LINGO2: variants seen among roughly 807,000 people sequenced by gnomAD.
The protein encoded by LINGO2 is leucine rich repeat and Ig domain containing 2, also known as leucine-rich repeat and immunoglobulin-like domain-containing nogo receptor-interacting protein 2.
In LINGO2, 14 loss-of-function variants were observed where a neutral mutation model predicts 30.6. The observed-to-expected ratio is 0.46, with a 90% CI of 0.30 to 0.72. LINGO2 has a LOEUF of 0.72. Among genes scored for constraint, LINGO2 ranks in the 30% least tolerant of loss-of-function variants. LINGO2 has a pLI of 0.07. For synonymous variants in LINGO2, 317 were observed against 288.5 expected (o/e 1.10, Z -1.00); for missense variants, 729 against 751.7 (o/e 0.97, Z 0.35).
intron 3 of LINGO2, among the ~76,000 whole-genome samples, chr9:28,318,975 G>C (rs1824940864): frequency 6.6e-6 from 1 of 152,162 alleles, no homozygotes; most frequent in Non-Finnish European, 1.5e-5. Flanking sequence ...TGGTTAGTAA[G>C]TGGCAGAAGG....
intron 4 of LINGO2, among the ~76,000 whole-genome samples, chr9:28,164,889 G>T (rs1057047215): frequency 1.3e-5 from 2 of 151,994 alleles, no homozygotes; most frequent in African/African-American, 2.4e-5. Context: ...ACCGATAAAG[G>T]GTTCCCACTC....
chr9:29,127,956 T>C, the LINGO2 span, among the ~76,000 whole-genome samples: 1 of 152,094 alleles, frequency 6.6e-6, no homozygotes, highest in African/African-American at 2.4e-5. Context: ...CTTCTCCTAC[T>C]CAATCTTTTC....
At chr9:29,102,835 ATT>A in the LINGO2 span, among the ~76,000 whole-genome samples, 2 of 152,192 alleles carry the variant, frequency 1.3e-5, no homozygotes, top group Non-Finnish European at 2.9e-5. Context: ...TTACATTAAA[ATT>A]CTAAATCTAA....
the LINGO2 span, among the ~76,000 whole-genome samples, chr9:29,191,764 T>C: frequency 4.6e-5 from 7 of 152,260 alleles, no homozygotes; most frequent in East Asian, 7.7e-4. Context: ...TTGAAGCACT[T>C]ATTATCAGGC....
the LINGO2 span, among the ~76,000 whole-genome samples, chr9:29,069,151 A>G: frequency 6.6e-6 from 1 of 151,934 alleles, no homozygotes; most frequent in African/African-American, 2.4e-5. Context: ...GAAAACAATA[A>G]GTTTAAGTGA....
chr9:28,812,200 G>C, the LINGO2 span, among the ~76,000 whole-genome samples: 8 of 151,748 alleles, frequency 5.3e-5, no homozygotes, highest in African/African-American at 1.9e-4. Context: ...AGAGGAGAAG[G>C]GCTACCTGTC....
chr9:28,701,035 C>A, the LINGO2 span, among the ~76,000 whole-genome samples: 1 of 151,748 alleles, frequency 6.6e-6, no homozygotes, highest in Non-Finnish European at 1.5e-5. Flanking sequence ...TTTAAGCATT[C>A]TTTGTGTATT....
intron 4 of LINGO2, among the ~76,000 whole-genome samples, chr9:28,187,936 A>G (rs1408466447): frequency 1.3e-5 from 2 of 152,130 alleles, no homozygotes; most frequent in African/African-American, 4.8e-5. Context: ...ATTCCAAACT[A>G]TGATTTGCTT....
the LINGO2 span, among the ~76,000 whole-genome samples, chr9:28,992,487 T>C: frequency 2.0e-5 from 3 of 151,564 alleles, 1 homozygote; most frequent in South Asian, 6.3e-4. Context: ...TACCCAGGAA[T>C]TGAACTCAGC....
chr9:28,651,721 G>C (rs1828111174), intron 1 of LINGO2, among the ~76,000 whole-genome samples: 1 of 151,768 alleles, frequency 6.6e-6, no homozygotes, highest in Non-Finnish European at 1.5e-5. Context: ...TCTAACATTT[G>C]TAATGGGCCC....
the LINGO2 span, among the ~76,000 whole-genome samples, chr9:28,677,461 T>A: frequency 6.6e-6 from 1 of 152,162 alleles, no homozygotes; most frequent in Non-Finnish European, 1.5e-5. Context: ...AGCAAGCCAG[T>A]ATCCAAGAAA....
chr9:29,007,370 T>C, the LINGO2 span, among the ~76,000 whole-genome samples: 2 of 152,144 alleles, frequency 1.3e-5, no homozygotes, highest in Non-Finnish European at 2.9e-5. Flanking sequence ...TACTCCATTA[T>C]ATATTTTGTT....
intron 2 of LINGO2, among the ~76,000 whole-genome samples, chr9:28,466,905 TG>T (rs1825328884): frequency 6.6e-6 from 1 of 152,130 alleles, no homozygotes; most frequent in African/African-American, 2.4e-5. Flanking sequence ...TGTTACAAAC[TG>T]GTTAAAAATG....
At chr9:28,102,301 G>A (rs1419151) in intron 4 of LINGO2, among the ~76,000 whole-genome samples, 149,107 of 152,184 alleles carry the variant, frequency 0.98, 73,121 homozygotes, top group East Asian at 1. Context: ...TAACTTGGAA[G>A]GCTGAGGTGG....
intron 1 of LINGO2, among the ~76,000 whole-genome samples, chr9:28,530,064 G>T (rs1277084466): frequency 6.6e-6 from 1 of 151,988 alleles, no homozygotes; most frequent in East Asian, 1.9e-4. Flanking sequence ...TTTTTGGGGG[G>T]AGTGAAAGCT....
chr9:29,082,120 A>C, the LINGO2 span, among the ~76,000 whole-genome samples: 1 of 152,142 alleles, frequency 6.6e-6, no homozygotes. Context: ...TGCATCGCCA[A>C]GTCAACCCTA....
the LINGO2 span, among the ~76,000 whole-genome samples, chr9:28,675,879 A>C: frequency 1.4e-5 from 2 of 144,458 alleles, no homozygotes; most frequent in East Asian, 4.1e-4. Context: ...TCAAAAAAAA[A>C]GAAAAAAAAA....
chr9:28,818,491 T>G, the LINGO2 span, among the ~76,000 whole-genome samples: 5 of 152,122 alleles, frequency 3.3e-5, no homozygotes, highest in African/African-American at 1.2e-4. Flanking sequence ...TTCAAGCAAT[T>G]CTCCTGCCTC....
chr9:28,042,368 A>G (rs780962308), intron 4 of LINGO2, among the ~76,000 whole-genome samples: 1 of 152,212 alleles, frequency 6.6e-6, no homozygotes, highest in Non-Finnish European at 1.5e-5. Flanking sequence ...CAACTTGTAT[A>G]AAACAGCAAA....
Sources: gnomAD v4.1 joint callset for allele counts (sites outside exome capture counted in the v4.1 genomes callset) on GRCh38, gnomAD v4.1.1 for gene constraint, MANE v1.5 for transcripts, NCBI Gene and HGNC (gene_info 2026-07-23, HGNC 2026-07-21) for gene names.